The following COPA variants were observed in gnomAD, a reference collection of about 807,000 sequenced individuals.
COPA encodes the protein coatomer subunit alpha.
A neutral mutation model predicts 158.7 loss-of-function variants in COPA; 10 were observed. The observed-to-expected ratio is 0.06, with a 90% confidence interval of 0.04 to 0.11. The LOEUF (loss-of-function observed/expected upper bound fraction) is 0.11. Among genes scored for constraint, COPA ranks in the 10% least tolerant of loss-of-function variants. The pLI is 1.00. For synonymous variants in COPA, 462 were observed against 542.8 expected (o/e 0.85, Z 2.07); for missense variants, 1,065 against 1,536.7 (o/e 0.69, Z 5.13).
chr1:160,331,875 G>C (rs902637516), intron 6 of COPA, among the ~76,000 whole-genome samples: 1 of 151,866 alleles, frequency 6.6e-6, no homozygotes, highest in Admixed American at 6.6e-5. Flanking sequence ...AACCCGGGAG[G>C]TGGAGGTTGC....
chr1:160,301,875 CA>C lies in COPA; in HGVS notation c.1668-2612del, dbSNP rs1272067960. Among the ~76,000 whole-genome samples, 4 of 151,350 alleles carry C rather than the reference CA, an allele frequency of 2.6e-5. No individual in the cohort carries two copies. The East Asian group carries it at 7.7e-4, about 29-fold the overall frequency. ...CCAAGGTAAAAAAAAAAACTCTTAG[CA>C]AAAAGAAATAGCAAAATTCCTTCAT... On this transcript the variant is annotated intron_variant, in intron 17 of 32. Transcript: ENST00000241704.
At chr1:160,308,534 T>C (rs1396492411) in intron 13 of COPA, among the ~76,000 whole-genome samples, 1 of 152,206 alleles carries the variant, frequency 6.6e-6, no homozygotes, top group Non-Finnish European at 1.5e-5. Flanking sequence ...CCATAGGCAA[T>C]AGTCAAATCC....
At chr1:160,317,172 C>T (rs1443352867) in intron 8 of COPA, among the ~76,000 whole-genome samples, 3 of 152,148 alleles carry the variant, frequency 2.0e-5, no homozygotes, top group Admixed American at 6.5e-5. Context: ...GATAGTATTT[C>T]CCATACAAAC....
At chr1:160,310,156 TGAG>T in intron 12 of COPA, 33 bp downstream of exon 12, 1 of 1,365,346 alleles carries the variant, frequency 7.3e-7, no homozygotes, top group Non-Finnish European at 9.9e-7. Flanking sequence ...CTATGGAAAA[TGAG>T]GAGAACCTAG....
At chr1:160,294,976 A>G (rs919055108) in intron 23 of COPA, 119 bp from the exon 24 acceptor site, 3 of 731,632 alleles carry the variant, frequency 4.1e-6, no homozygotes, top group Non-Finnish European at 6.9e-6. Context: ...CCTACTTACT[A>G]TTTATTTTTG....
At chr1:160,314,567 C>T (rs188933172) in intron 8 of COPA, among the ~76,000 whole-genome samples, 30 of 152,260 alleles carry the variant, frequency 2.0e-4, no homozygotes, top group South Asian at 4.1e-4. Flanking sequence ...AAGGTCAAGA[C>T]GGCAGTGAGC....
intron 8 of COPA, among the ~76,000 whole-genome samples, chr1:160,317,935 T>G (rs1438176590): frequency 1.3e-5 from 2 of 152,302 alleles, no homozygotes; most frequent in East Asian, 3.9e-4. Context: ...TTTTAAAAAT[T>G]ACGTGTGCAC....
In COPA at chr1:160,290,508, A is replaced by G; in HGVS notation, c.3599T>C (p.Ile1200Thr). The G allele has an allele frequency of 5.0e-6, 8 of 1,614,148 alleles. No homozygotes were observed. The highest frequency in any genetic ancestry group is 6.8e-6 in the Non-Finnish European group (8 of 1,180,018). ...ACYSPEFKGQ[I>T]CRVTTVTEIG... is the part of the protein sequence containing the mutation. ...AGTACTTACTGTGGTGACCCTGCAG[A>G]TTTGACCTTTGAACTCAGGGGAATA... is the stretch of plus-strand genomic sequence containing the variant. The change falls in exon 32 of 33, where the codon ATC becomes ACC. Residue 1200 changes from isoleucine (I) to threonine (T), a missense_variant. This residue lies in a region of COPA where 980 missense variants were observed against 1,357.8 expected (regional missense o/e 0.72). Coordinates refer to ENST00000241704, the MANE Select transcript of COPA (RefSeq NM_004371.4).
Position 160,293,217 on chromosome 1 carries a change from A to T in COPA, c.2772T>A (p.Ser924=). ...CCAGGATGTGATCAACTGGAAGCTG[A>T]GAGTTATTACACCAGATCTAACAAG... ...TSPTQIWCNN[S]QLPVDHILAG... is the part of the protein sequence containing the mutation. Residue 924 remains serine (S), a synonymous_variant, in exon 27 of 33, where the codon TCT becomes TCA. Coordinates refer to ENST00000241704, the MANE Select transcript of COPA (RefSeq NM_004371.4). The T allele has an allele frequency of 6.2e-7, 1 of 1,614,214 alleles. No homozygotes were observed. The highest frequency in any genetic ancestry group is 8.5e-7 in the Non-Finnish European group (1 of 1,180,050).
intron 8 of COPA, chr1:160,317,624 A>G (rs1386532093): frequency 1.0e-5 from 16 of 1,545,442 alleles, no homozygotes; most frequent in Non-Finnish European, 1.3e-5. Flanking sequence ...GCTGATAATC[A>G]TACTCCAAAA....
rs1659462693 is a variant in COPA, at chr1:160,325,535, A to G, written c.606+8T>C. The G allele has an allele frequency of 6.2e-7, 1 of 1,610,734 alleles. No homozygotes were observed. Among genetic ancestry groups the G allele is most frequent in the African/African-American group, 1.3e-5 (1 of 74,984 alleles). Reference sequence around the variant, plus strand: ...CCATATTCAGCCCCTGGCTATAAAGATAAGTACCTCTAGTACATGCTTCAC... The same window carrying G: ...CCATATTCAGCCCCTGGCTATAAAGGTAAGTACCTCTAGTACATGCTTCAC... On this transcript the variant is annotated splice_region_variant and intron_variant, in intron 7 of 32. Coordinates refer to ENST00000241704, the MANE Select transcript of COPA (RefSeq NM_004371.4).
intron 6 of COPA, chr1:160,326,274 C>T (rs1295093294): frequency 1.3e-5 from 2 of 152,842 alleles, no homozygotes; most frequent in Non-Finnish European, 2.9e-5. Flanking sequence ...CGCCTATAAT[C>T]CTAGCACTTT....
In COPA at chr1:160,290,000, C is replaced by T. The variant is rs547416247; in HGVS notation, c.*157G>A. ...CTCAAAAAAGTCAAGTTTAGACCTT[C>T]GGATTTTCCATAGAAGAGAAAAAGA... On this transcript the variant is annotated 3_prime_UTR_variant, in exon 33 of 33. Coordinates refer to ENST00000241704, the MANE Select transcript of COPA (RefSeq NM_004371.4). The T allele has an allele frequency of 1.1e-4, 81 of 712,424 alleles. 1 individual carries two copies. Among genetic ancestry groups the T allele is most frequent in the African/African-American group, 5.7e-4 (32 of 55,852 alleles). The allele number at this position is 712,424 out of a possible 1,614,324, so 44.1% of individuals were successfully genotyped here.
At chr1:160,332,114 T>C (rs1445714422) in intron 6 of COPA, among the ~76,000 whole-genome samples, 4 of 152,178 alleles carry the variant, frequency 2.6e-5, no homozygotes, top group Non-Finnish European at 5.9e-5. Context: ...AAAATTTCTT[T>C]TTGTCATAGA....
chr1:160,331,768 T>C (rs1350527383), intron 6 of COPA, among the ~76,000 whole-genome samples: 3 of 151,550 alleles, frequency 2.0e-5, no homozygotes. Context: ...GCCAATATGG[T>C]GAAACCCCAT....
At chr1:160,291,592 AATAGGATG>A (rs1346461786) in intron 30 of COPA, 96 bp from the exon 31 acceptor site, 1 of 1,427,350 alleles carries the variant, frequency 7.0e-7, no homozygotes, top group Non-Finnish European at 9.6e-7. Flanking sequence ...CACAACACAA[AATAGGATG>A]ATGGGCTATA....
intron 29 of COPA, 23 bp downstream of exon 29, chr1:160,291,989 G>A (rs1461646277): frequency 6.2e-7 from 1 of 1,613,966 alleles, no homozygotes; most frequent in African/African-American, 1.3e-5. Context: ...CCCAGAACTG[G>A]GACAGCGGCT....
chr1:160,328,386 A>G (rs185262909), intron 6 of COPA, among the ~76,000 whole-genome samples: 15 of 152,378 alleles, frequency 9.8e-5, no homozygotes, highest in Admixed American at 5.2e-4. Context: ...GGGCAAAAAC[A>G]GACAGATGAA....
In COPA at chr1:160,318,476, A is replaced by C. The variant is rs867418574; in HGVS notation, c.707-4351T>G. On this transcript the variant is annotated intron_variant, in intron 8 of 32. Transcript: ENST00000241704. ...AAAATAAACAATATTTGTAAAAAAAAAAAAAAAAAAAAAAACAAAAAAAAA... is the reference window on the plus strand; with the variant it reads ...AAAATAAACAATATTTGTAAAAAAACAAAAAAAAAAAAAAACAAAAAAAAA... Among the ~76,000 whole-genome samples, 12 of 77,430 alleles carry C rather than the reference A, an allele frequency of 1.5e-4. No homozygotes were observed. In the East Asian group the frequency reaches 3.2e-3, roughly 21 times the overall value. 50.8% of individuals were successfully genotyped at this position (77,430 alleles called of 152,430 possible).
Sources: allele counts gnomAD v4.1 joint callset (sites outside exome capture counted in the v4.1 genomes callset), GRCh38; gene constraint gnomAD v4.1.1; regional missense constraint gnomAD v4.1.1; transcripts MANE v1.5; gene names NCBI Gene and HGNC (gene_info 2026-07-23, HGNC 2026-07-21).